Variants in KDM4C observed in about 807,000 individuals in gnomAD.
KDM4C encodes lysine demethylase 4C, also known as lysine-specific demethylase 4C.
A neutral mutation model predicts 129.3 loss-of-function variants in KDM4C; 81 were observed. The ratio of observed to expected loss-of-function variants is 0.63; its 90% CI spans 0.52 to 0.75. The LOEUF is 0.75. Among genes scored for constraint, KDM4C ranks in the 30% least tolerant of loss-of-function variants. The pLI is 0.00. For missense variants in KDM4C, 1,457 were observed against 1,304.0 expected (o/e 1.12, Z -1.81); for synonymous variants, 573 against 456.1 (o/e 1.26, Z -3.26).
At chr9:6,965,783 G>C (rs1352211337) in intron 8 of KDM4C, among the ~76,000 whole-genome samples, 1 of 152,156 alleles carries the variant, frequency 6.6e-6, no homozygotes, top group Non-Finnish European at 1.5e-5. Flanking sequence ...TTGAGGGAGA[G>C]ACATCTGCTT....
intron 4 of KDM4C, among the ~76,000 whole-genome samples, chr9:6,838,276 T>G (rs1836248748): frequency 6.6e-6 from 1 of 152,242 alleles, no homozygotes. Context: ...GGGGCTGGTC[T>G]GAACAATTTG....
At chr9:6,943,219 G>C (rs1352062437) in intron 8 of KDM4C, among the ~76,000 whole-genome samples, 1 of 151,888 alleles carries the variant, frequency 6.6e-6, no homozygotes, top group South Asian at 2.1e-4. Context: ...TCTTACCTCT[G>C]TTATTCAAGT....
chr9:6,981,990 T>C (rs1205113883), intron 9 of KDM4C: 1 of 155,884 alleles, frequency 6.4e-6, no homozygotes, highest in East Asian at 1.9e-4. Flanking sequence ...ATTTATTATA[T>C]ATTTTATAAT....
At chr9:6,741,422 C>G (rs1817690125) in intron 1 of KDM4C, among the ~76,000 whole-genome samples, 1 of 149,050 alleles carries the variant, frequency 6.7e-6, no homozygotes, top group East Asian at 1.9e-4. Flanking sequence ...AACAAAAACT[C>G]AAGAGGAAAA....
intron 15 of KDM4C, among the ~76,000 whole-genome samples, chr9:7,019,176 GGTGA>G (rs941898441): frequency 5.2e-4 from 79 of 152,220 alleles, no homozygotes; most frequent in African/African-American, 1.9e-3. Flanking sequence ...TTAGTGTCGT[GGTGA>G]GTGTTACAAT....
intron 4 of KDM4C, among the ~76,000 whole-genome samples, chr9:6,829,686 A>G (rs1834487449): frequency 6.6e-6 from 1 of 152,152 alleles, no homozygotes; most frequent in South Asian, 2.1e-4. Flanking sequence ...TAGAGCTTGA[A>G]CACTGTGTAT....
At chr9:7,039,280 G>A (rs1387585388) in intron 15 of KDM4C, among the ~76,000 whole-genome samples, 1 of 151,954 alleles carries the variant, frequency 6.6e-6, no homozygotes, top group African/African-American at 2.4e-5. Flanking sequence ...AGTTTTTGGT[G>A]TGAGGTTTTG....
At chr9:7,032,582 T>C (rs75377138) in intron 15 of KDM4C, among the ~76,000 whole-genome samples, 1,788 of 152,320 alleles carry the variant, frequency 0.012, 37 homozygotes, top group African/African-American at 0.041. Flanking sequence ...TTGATACCGA[T>C]AAAGGCTAAG....
intron 1 of KDM4C, among the ~76,000 whole-genome samples, chr9:6,759,095 G>A (rs1338767616): frequency 1.3e-5 from 2 of 152,012 alleles, no homozygotes; most frequent in African/African-American, 4.8e-5. Context: ...AAGAGACAAG[G>A]TAAACTTTTT....
chr9:6,971,159 C>T (rs116232577), intron 8 of KDM4C, among the ~76,000 whole-genome samples: 1,628 of 152,174 alleles, frequency 0.011, 37 homozygotes, highest in African/African-American at 0.037. Context: ...TCTTATTACA[C>T]ATATAGATGA....
chr9:6,976,825 T>TG (rs1833002186), intron 8 of KDM4C, among the ~76,000 whole-genome samples: 1 of 151,736 alleles, frequency 6.6e-6, no homozygotes, highest in Non-Finnish European at 1.5e-5. Flanking sequence ...TTGATTTTTT[T>TG]TTTGGCATAA....
intron 5 of KDM4C, among the ~76,000 whole-genome samples, chr9:6,864,136 C>T (rs867725191): frequency 2.0e-5 from 3 of 152,116 alleles, no homozygotes; most frequent in Admixed American, 6.5e-5. Context: ...GTTTTTTCCC[C>T]TCCCTGCTTC....
rs546369551 is a variant in KDM4C, at chr9:7,048,567, A to G, written c.2316-525A>G. On this transcript the variant is annotated intron_variant, in intron 16 of 21. Transcript: ENST00000381309. Reference sequence around the variant, plus strand: ...TTTTTGTCTCTGGGTTTCATTGATTATAGTAAGATTGCAGCAAGAAACAAT... The same window carrying G: ...TTTTTGTCTCTGGGTTTCATTGATTGTAGTAAGATTGCAGCAAGAAACAAT... 5.9e-5 allele frequency among the ~76,000 whole-genome samples: 9 copies of G among 152,224 alleles called. No individual in the cohort carries two copies. In the South Asian group the frequency reaches 1.7e-3, roughly 28 times the overall value.
chr9:7,007,689 T>G (rs1266091910), intron 12 of KDM4C, among the ~76,000 whole-genome samples: 1 of 152,226 alleles, frequency 6.6e-6, no homozygotes, highest in Non-Finnish European at 1.5e-5. Context: ...CAGGAAGCCT[T>G]ATGTTCTTAT....
chr9:6,951,415 T>G (rs1034270006), intron 8 of KDM4C, among the ~76,000 whole-genome samples: 6 of 152,228 alleles, frequency 3.9e-5, no homozygotes, highest in African/African-American at 1.4e-4. Context: ...ATGATCTGAT[T>G]ACATTCTGGT....
At chr9:7,087,708 C>T (rs960202349) in intron 17 of KDM4C, among the ~76,000 whole-genome samples, 3 of 152,088 alleles carry the variant, frequency 2.0e-5, no homozygotes, top group Non-Finnish European at 2.9e-5. Flanking sequence ...TGCTACAAAA[C>T]GTGAAAGAAG....
At chr9:6,964,397 T>C (rs1471373922) in intron 8 of KDM4C, among the ~76,000 whole-genome samples, 1 of 152,016 alleles carries the variant, frequency 6.6e-6, no homozygotes, top group Non-Finnish European at 1.5e-5. Flanking sequence ...GCTTCATCCG[T>C]GTCGCTACAA....
intron 11 of KDM4C, 190 bp downstream of exon 11, chr9:6,986,856 A>G (rs779399065): frequency 6.7e-5 from 34 of 507,042 alleles, no homozygotes; most frequent in Non-Finnish European, 1.1e-4. Flanking sequence ...CATAGTGATA[A>G]TTTAGCACAT....
At chr9:6,913,506 C>A (rs531522333) in intron 8 of KDM4C, among the ~76,000 whole-genome samples, 1 of 152,164 alleles carries the variant, frequency 6.6e-6, no homozygotes, top group Non-Finnish European at 1.5e-5. Flanking sequence ...ATGTACAGTG[C>A]GCTTCTCCAT....
Sources: allele counts gnomAD v4.1 joint callset (sites outside exome capture counted in the v4.1 genomes callset), GRCh38; gene constraint gnomAD v4.1.1; transcripts MANE v1.5; gene names NCBI Gene and HGNC (gene_info 2026-07-23, HGNC 2026-07-21).